The following NHSL1 variants were observed in gnomAD, a reference collection of about 807,000 sequenced individuals.
NHSL1 encodes the protein NHS-like protein 1.
NHSL1 carries 48 observed loss-of-function variants against 95.0 expected under a neutral mutation model. The ratio of observed to expected loss-of-function variants is 0.51; its 90% CI spans 0.40 to 0.64. NHSL1 has a LOEUF of 0.64. NHSL1 is among the 30% of genes least tolerant of loss of function. NHSL1 has a pLI of 0.00. For synonymous variants in NHSL1, 783 were observed against 833.9 expected, an observed-to-expected ratio of 0.94 and a Z score of 1.05; for missense variants, 1,971 against 2,077.7, an observed-to-expected ratio of 0.95 and a Z score of 1.00.
chr6:138,614,789 T>A (rs1451654183), intron 1 of NHSL1, among the ~76,000 whole-genome samples: 1 of 152,140 alleles, frequency 6.6e-6, no homozygotes, highest in African/African-American at 2.4e-5. Flanking sequence ...AGCGGCGGCA[T>A]CAGATTCTCA....
At chr6:138,610,539 T>C (rs1414319370) in intron 1 of NHSL1, among the ~76,000 whole-genome samples, 1 of 114,638 alleles carries the variant, frequency 8.7e-6, no homozygotes, top group African/African-American at 4.7e-5. Context: ...AAAAGTATAA[T>C]AATAAAAAAA....
intron 1 of NHSL1, among the ~76,000 whole-genome samples, chr6:138,505,286 T>C (rs771741121): frequency 3.3e-5 from 5 of 152,230 alleles, no homozygotes; most frequent in Admixed American, 6.5e-5. Context: ...CACAGGAGTT[T>C]ATGCAGAAAT....
intron 1 of NHSL1, among the ~76,000 whole-genome samples, chr6:138,519,292 C>T (rs1781579800): frequency 6.6e-6 from 1 of 151,866 alleles, no homozygotes; most frequent in Non-Finnish European, 1.5e-5. Context: ...AAAAAATCTG[C>T]TCTGTCACCC....
chr6:138,536,163 GC>G (rs1269755577), intron 1 of NHSL1, among the ~76,000 whole-genome samples: 27 of 152,226 alleles, frequency 1.8e-4, no homozygotes, highest in African/African-American at 6.0e-4. Context: ...TATTTTGGGG[GC>G]TCCAGTTTTT....
chr6:138,610,902 A>G (rs552367669), intron 1 of NHSL1, among the ~76,000 whole-genome samples: 9 of 152,164 alleles, frequency 5.9e-5, no homozygotes, highest in African/African-American at 2.2e-4. Flanking sequence ...ACGTGGTGAA[A>G]TCCCATCTCT....
intron 2 of NHSL1, among the ~76,000 whole-genome samples, chr6:138,478,135 T>G (rs1779202703): frequency 6.8e-6 from 1 of 147,106 alleles, no homozygotes; most frequent in South Asian, 2.3e-4. Flanking sequence ...TGCCTCAACC[T>G]TCTGAGTAGG....
At chr6:138,514,317 C>CAAAA (rs1207074589) in intron 1 of NHSL1, among the ~76,000 whole-genome samples, 1 of 108,698 alleles carries the variant, frequency 9.2e-6, no homozygotes, top group Non-Finnish European at 1.8e-5. Flanking sequence ...GACTCCATCT[C>CAAAA]AAAACAAACA....
intron 1 of NHSL1, among the ~76,000 whole-genome samples, chr6:138,538,573 CA>C (rs1470327472): frequency 6.6e-6 from 1 of 152,176 alleles, no homozygotes; most frequent in Non-Finnish European, 1.5e-5. Flanking sequence ...AACCTGCTCC[CA>C]ATGTTCGCGC....
intron 1 of NHSL1, among the ~76,000 whole-genome samples, chr6:138,536,841 C>T (rs1396462812): frequency 1.3e-5 from 2 of 152,052 alleles, no homozygotes; most frequent in Non-Finnish European, 2.9e-5. Context: ...AAACTTCCAT[C>T]GTAATTTACT....
chr6:138,441,860 G>T, intron 5 of NHSL1, 123 bp downstream of exon 5: 2 of 848,898 alleles, frequency 2.4e-6, no homozygotes, highest in Non-Finnish European at 3.4e-6. Context: ...GAAGGAAGCT[G>T]GCCCGTTGGG....
In NHSL1 at chr6:138,452,721, G is replaced by A. The variant is rs544710607; in HGVS notation, c.340-5528C>T. 5.9e-5 allele frequency among the ~76,000 whole-genome samples: 9 copies of A among 152,280 alleles called. No homozygotes were observed. In the South Asian group the frequency reaches 1.9e-3, roughly 32 times the overall value. ...TTTCAAGATCCTTAATAGTTTCATA[G>A]GGTGCCAAAACGTCTGCAGCCTTTT... On this transcript the variant is annotated intron_variant, in intron 3 of 7. Coordinates refer to ENST00000343505, the MANE Select transcript of NHSL1 (RefSeq NM_001144060.2).
intron 1 of NHSL1, among the ~76,000 whole-genome samples, chr6:138,631,892 G>C (rs1369096991): frequency 6.6e-6 from 1 of 152,132 alleles, no homozygotes; most frequent in African/African-American, 2.4e-5. Flanking sequence ...TCAGCCACGG[G>C]GAGGTAGAGC....
rs113615261 is a variant in NHSL1, at chr6:138,673,031, G to GTAGATAGATAGA, written c.96+19433_96+19444dup. Among the ~76,000 whole-genome samples, 782 of 148,154 alleles carry GTAGATAGATAGA rather than the reference G, an allele frequency of 5.3e-3. 2 individuals are homozygous for GTAGATAGATAGA. The highest frequency in any genetic ancestry group is 4.4e-3 in the Non-Finnish European group (294 of 67,566). ...GTCTCATAGATAGCTAGATAGATAG[G>GTAGATAGATAGA]TAGATAGATAGATAGATAGATAGAT... is the stretch of plus-strand genomic sequence containing the variant. On this transcript the variant is annotated intron_variant, in intron 1 of 3. Transcript: ENST00000491526.
At chr6:138,562,746 G>A (rs896440430) in intron 1 of NHSL1, among the ~76,000 whole-genome samples, 1 of 151,910 alleles carries the variant, frequency 6.6e-6, no homozygotes, top group South Asian at 2.1e-4. Context: ...TCCCTTCAAC[G>A]AGAACTTTGT....
intron 1 of NHSL1, among the ~76,000 whole-genome samples, chr6:138,534,152 G>A (rs1293350973): frequency 6.6e-6 from 1 of 152,122 alleles, no homozygotes; most frequent in Non-Finnish European, 1.5e-5. Flanking sequence ...TATATTTTAA[G>A]CTATTCTCAA....
intron 1 of NHSL1, among the ~76,000 whole-genome samples, chr6:138,579,203 AG>A (rs1784016825): frequency 6.6e-6 from 1 of 152,226 alleles, no homozygotes; most frequent in Admixed American, 6.5e-5. Context: ...GGTTCCTAAT[AG>A]GCCACAGCCT....
At chr6:138,672,286 C>T (rs1319797017) in intron 1 of NHSL1, among the ~76,000 whole-genome samples, 1 of 152,044 alleles carries the variant, frequency 6.6e-6, no homozygotes, top group Non-Finnish European at 1.5e-5. Context: ...CAGTTACATC[C>T]TTGAATGCTA....
Position 138,431,480 on chromosome 6 carries a change from A to G in NHSL1, c.2865T>C (p.Pro955=), listed in dbSNP as rs1775659967. The G allele has an allele frequency of 6.4e-7, 1 of 1,550,898 alleles. No homozygotes were observed. The highest frequency in any genetic ancestry group is 1.4e-5 in the African/African-American group (1 of 72,930). Residue 955 remains proline (P), a synonymous_variant, in exon 6 of 8, where the codon CCT becomes CCC. Transcript: ENST00000343505. The surrounding 1 kb of genome is among the most constrained non-coding windows in gnomAD (Gnocchi z 4.0). The part of the protein sequence containing the change: ...DRSPFLPPPP[P]VTDCSQGSPL... The stretch of plus-strand genomic sequence containing the variant: ...GAGAGCCCTGGGAGCAATCTGTGAC[A>G]GGAGGTGGGGGAGGAAGGAAAGGAG...
chr6:138,599,237 C>T (rs552444393), intron 1 of NHSL1, among the ~76,000 whole-genome samples: 1 of 152,282 alleles, frequency 6.6e-6, no homozygotes, highest in South Asian at 2.1e-4. Flanking sequence ...TAAGGCCAGG[C>T]GCAGTGGCTC....
Sources: gnomAD v4.1 joint callset for allele counts (sites outside exome capture counted in the v4.1 genomes callset) on GRCh38, gnomAD v4.1.1 for gene constraint, Gnocchi (gnomAD v3.1) non-coding constraint, MANE v1.5 for transcripts, NCBI Gene and HGNC (gene_info 2026-07-23, HGNC 2026-07-21) for gene names.